FBXL17: variants seen among roughly 807,000 people sequenced by gnomAD.
The protein encoded by FBXL17 is F-box/LRR-repeat protein 17.
Under a neutral mutation model 66.2 loss-of-function variants are expected in FBXL17, and 22 were observed. That is an observed-to-expected ratio of 0.33 (90% CI 0.24 to 0.47). The LOEUF (loss-of-function observed/expected upper bound fraction) is 0.47. Ranked by LOEUF, FBXL17 falls within the 20% of genes least tolerant of loss-of-function variation. The pLI is 1.00. For missense variants in FBXL17, 878 were observed against 948.2 expected (o/e 0.93, Z 0.97); for synonymous variants, 474 against 400.5 (o/e 1.18, Z -2.19).
At chr5:108,197,854 T>A (rs1329044326) in intron 5 of FBXL17, among the ~76,000 whole-genome samples, 1 of 152,180 alleles carries the variant, frequency 6.6e-6, no homozygotes, top group Non-Finnish European at 1.5e-5. Flanking sequence ...GGGACTCACC[T>A]TCACATGGAA....
intron 4 of FBXL17, among the ~76,000 whole-genome samples, chr5:108,262,873 T>C (rs1756895327): frequency 1.3e-5 from 2 of 152,318 alleles, no homozygotes; most frequent in South Asian, 2.1e-4. Context: ...GTGATAACCA[T>C]TACTACCTAT....
chr5:107,952,289 A>AT (rs984534495), intron 7 of FBXL17, among the ~76,000 whole-genome samples: 1 of 152,238 alleles, frequency 6.6e-6, no homozygotes, highest in African/African-American at 2.4e-5. Context: ...TAGAAACTGA[A>AT]TTTTTTTGTA....
chr5:108,366,173 A>G (rs1748648949), intron 2 of FBXL17, among the ~76,000 whole-genome samples: 2 of 152,096 alleles, frequency 1.3e-5, no homozygotes, highest in Admixed American at 6.6e-5. Context: ...ACCAAAGACT[A>G]TATAGGAACG....
intron 6 of FBXL17, among the ~76,000 whole-genome samples, chr5:108,124,071 C>T (rs1750603898): frequency 6.6e-6 from 1 of 152,002 alleles, no homozygotes; most frequent in Non-Finnish European, 1.5e-5. Flanking sequence ...AGTAAACTGT[C>T]TTAACAAAAT....
chr5:107,962,594 T>C (rs1283515151), intron 7 of FBXL17, among the ~76,000 whole-genome samples: 1 of 152,164 alleles, frequency 6.6e-6, no homozygotes, highest in African/African-American at 2.4e-5. Flanking sequence ...TAAATTGATA[T>C]TGCTTATTAC....
At chr5:108,214,809 T>C (rs945616392) in intron 5 of FBXL17, among the ~76,000 whole-genome samples, 4 of 152,230 alleles carry the variant, frequency 2.6e-5, no homozygotes, top group African/African-American at 9.6e-5. Flanking sequence ...AAAGTCATCC[T>C]CATAAATTGT....
At chr5:108,208,668 A>G (rs1360189632) in intron 5 of FBXL17, among the ~76,000 whole-genome samples, 1 of 152,084 alleles carries the variant, frequency 6.6e-6, no homozygotes, top group African/African-American at 2.4e-5. Flanking sequence ...CCACTGGTCT[A>G]TGTATCTGTT....
intron 1 of FBXL17, among the ~76,000 whole-genome samples, chr5:108,371,865 G>T (rs1277202407): frequency 6.6e-6 from 1 of 152,116 alleles, no homozygotes; most frequent in Non-Finnish European, 1.5e-5. Flanking sequence ...CTGTGTATTG[G>T]TTCCTAGGTT....
chr5:108,179,706 G>C (rs554627375), intron 6 of FBXL17, among the ~76,000 whole-genome samples: 1 of 152,088 alleles, frequency 6.6e-6, no homozygotes, highest in African/African-American at 2.4e-5. Flanking sequence ...GAAAATCAAG[G>C]TTTTAACTTA....
chr5:108,239,249 G>C (rs998228303), intron 4 of FBXL17, among the ~76,000 whole-genome samples: 1 of 152,150 alleles, frequency 6.6e-6, no homozygotes, highest in African/African-American at 2.4e-5. Context: ...CCAAAACTCA[G>C]GTGAGTGATC....
intron 4 of FBXL17, among the ~76,000 whole-genome samples, chr5:108,232,782 C>CATATATATATATATATATATAT (rs34650348): frequency 0.034 from 2,592 of 76,934 alleles, 138 homozygotes; most frequent in Non-Finnish European, 0.046. Context: ...TAAGCTCTCA[C>CATATATATATATATATATATAT]ATATATATAT....
At chr5:108,118,719 C>A (rs146294737) in intron 6 of FBXL17, among the ~76,000 whole-genome samples, 1 of 152,204 alleles carries the variant, frequency 6.6e-6, no homozygotes, top group Non-Finnish European at 1.5e-5. Flanking sequence ...GCATAATATC[C>A]ATAGTCCTTC....
chr5:107,989,939 G>C (rs1295016640), intron 7 of FBXL17, among the ~76,000 whole-genome samples: 1 of 152,070 alleles, frequency 6.6e-6, no homozygotes, highest in Non-Finnish European at 1.5e-5. Flanking sequence ...ACCACTGCTG[G>C]GCTCTAGAAG....
intron 6 of FBXL17, among the ~76,000 whole-genome samples, chr5:108,068,299 C>T (rs2112857400): frequency 6.6e-6 from 1 of 152,258 alleles, no homozygotes; most frequent in Non-Finnish European, 1.5e-5. Flanking sequence ...AATATTTTGA[C>T]ATACTTATTC....
Position 107,865,059 on chromosome 5 carries a change from T to C in FBXL17, c.1966-3199A>G, listed in dbSNP as rs1236855072. 3.3e-5 allele frequency among the ~76,000 whole-genome samples: 5 copies of C among 152,332 alleles called. No individual in the cohort carries two copies. The East Asian group carries it at 7.7e-4, about 24-fold the overall frequency. ...GCATCACATTGCAAAGAAGTAAATG[T>C]AGTCCAAGCCACTTGGCATTCAAGG... On this transcript the variant is annotated intron_variant, in intron 8 of 8. Transcript: ENST00000542267.
At chr5:108,026,115 A>C (rs1473910041) in intron 6 of FBXL17, among the ~76,000 whole-genome samples, 1 of 152,192 alleles carries the variant, frequency 6.6e-6, no homozygotes, top group Non-Finnish European at 1.5e-5. Context: ...TCAATTCGAG[A>C]ATCTATTAAT....
At chr5:108,089,407 A>T (rs1422829078) in intron 6 of FBXL17, among the ~76,000 whole-genome samples, 1 of 152,112 alleles carries the variant, frequency 6.6e-6, no homozygotes, top group Non-Finnish European at 1.5e-5. Context: ...CTTAACTCCT[A>T]CCATGGACCT....
At chr5:108,019,505 A>G (rs776125225) in intron 7 of FBXL17, among the ~76,000 whole-genome samples, 10 of 152,124 alleles carry the variant, frequency 6.6e-5, no homozygotes, top group Non-Finnish European at 1.2e-4. Context: ...GCTATTAGCT[A>G]CCTGACAATT....
intron 6 of FBXL17, among the ~76,000 whole-genome samples, chr5:108,092,149 CAG>C (rs1189025948): frequency 2.0e-5 from 3 of 152,146 alleles, no homozygotes; most frequent in African/African-American, 4.8e-5. Flanking sequence ...AATTAAAGAT[CAG>C]AGAAGCTCTT....
Sources: allele counts gnomAD v4.1 joint callset (sites outside exome capture counted in the v4.1 genomes callset), GRCh38; gene constraint gnomAD v4.1.1; transcripts MANE v1.5; gene names NCBI Gene and HGNC (gene_info 2026-07-23, HGNC 2026-07-21).